The following CSGALNACT1 variants were observed in gnomAD, a reference collection of about 807,000 sequenced individuals.
CSGALNACT1 encodes chondroitin sulfate N-acetylgalactosaminyltransferase 1.
CSGALNACT1 carries 52 observed loss-of-function variants against 51.0 expected under a neutral mutation model. The ratio of observed to expected loss-of-function variants is 1.02; its 90% CI spans 0.82 to 1.29. The LOEUF (loss-of-function observed/expected upper bound fraction) is 1.29. Among genes scored for constraint, CSGALNACT1 ranks in the 50% most tolerant of loss-of-function variants. The pLI is 0.00. For synonymous variants in CSGALNACT1, 341 were observed against 254.4 expected (o/e 1.34, Z -3.24); for missense variants, 935 against 679.2 (o/e 1.38, Z -4.19).
chr8:19,601,529 A>C (rs540897087), intron 2 of CSGALNACT1, among the ~76,000 whole-genome samples: 3 of 152,238 alleles, frequency 2.0e-5, no homozygotes, highest in East Asian at 1.9e-4. Context: ...ATCCTTAAAA[A>C]GTTGGGAAAG....
chr8:19,647,787 G>A (rs2057411977), intron 1 of CSGALNACT1, among the ~76,000 whole-genome samples: 1 of 152,166 alleles, frequency 6.6e-6, no homozygotes, highest in Non-Finnish European at 1.5e-5. Context: ...GTTTACTTAG[G>A]ATATTATATT....
chr8:19,498,825 C>A (rs1222310490), intron 4 of CSGALNACT1, among the ~76,000 whole-genome samples: 1 of 152,164 alleles, frequency 6.6e-6, no homozygotes, highest in East Asian at 1.9e-4. Context: ...ATTAAGGAAA[C>A]AAAAAGGGCC....
At chr8:19,428,037 T>A (rs552758557) in intron 6 of CSGALNACT1, among the ~76,000 whole-genome samples, 2 of 152,264 alleles carry the variant, frequency 1.3e-5, no homozygotes, top group Admixed American at 6.5e-5. Flanking sequence ...CAATCCTTCC[T>A]CCTTCTCCTC....
At chr8:19,569,576 T>G (rs1440517031) in intron 3 of CSGALNACT1, among the ~76,000 whole-genome samples, 1 of 152,170 alleles carries the variant, frequency 6.6e-6, no homozygotes, top group Non-Finnish European at 1.5e-5. Flanking sequence ...TACGAGTTGG[T>G]TGTTGACAAT....
chr8:19,532,790 A>G (rs949091263), intron 3 of CSGALNACT1, among the ~76,000 whole-genome samples: 1 of 152,140 alleles, frequency 6.6e-6, no homozygotes, highest in Non-Finnish European at 1.5e-5. Flanking sequence ...GAGAGCGAGG[A>G]GTCACCTAAA....
At chr8:19,451,067 T>C (rs1043529994) in intron 5 of CSGALNACT1, among the ~76,000 whole-genome samples, 1 of 152,204 alleles carries the variant, frequency 6.6e-6, no homozygotes, top group Non-Finnish European at 1.5e-5. Flanking sequence ...AGCTTTAGTG[T>C]CAAGCTTTAG....
intron 4 of CSGALNACT1, among the ~76,000 whole-genome samples, chr8:19,472,559 A>G (rs1355745265): frequency 6.6e-6 from 1 of 152,234 alleles, no homozygotes; most frequent in Non-Finnish European, 1.5e-5. Flanking sequence ...TAACCAATTC[A>G]AGGTTGCAAA....
At position 19,667,016 on chromosome 8, in the gene CSGALNACT1, AAAGGAAGG is replaced by A. The variant is rs71205941; in HGVS notation, c.-544+15449_-544+15456del. Among the ~76,000 whole-genome samples, 18 of 43,478 alleles carry A rather than the reference AAAGGAAGG, an allele frequency of 4.1e-4. 2 individuals are homozygous for A. The highest frequency in any genetic ancestry group is 7.6e-4 in the South Asian group (1 of 1,312). 28.5% of individuals were successfully genotyped at this position (43,478 alleles called of 152,430 possible). A position where few individuals can be genotyped will look rare whatever the true frequency, so the allele number is the denominator to read the frequency against. On this transcript the variant is annotated intron_variant, in intron 1 of 9. Coordinates refer to the CSGALNACT1 transcript ENST00000332246. ...GAAAGAAAGAAAGAAAGAAAGAAAG[AAAGGAAGG>A]AAGGAAGGAAGGAAGGAAGAAAGAA...
intron 4 of CSGALNACT1, among the ~76,000 whole-genome samples, chr8:19,496,795 G>A (rs1048870097): frequency 6.6e-6 from 1 of 152,164 alleles, no homozygotes; most frequent in African/African-American, 2.4e-5. Flanking sequence ...GTGCAGATGA[G>A]TAGGGCAGTG....
intron 1 of CSGALNACT1, chr8:19,732,620 C>G (rs1053655021): frequency 1.3e-5 from 2 of 152,264 alleles, no homozygotes; most frequent in African/African-American, 4.8e-5. Context: ...AACAGGAAAA[C>G]AGCATCAAGG....
chr8:19,688,703 T>TC (rs1208289511), intron 1 of CSGALNACT1: 1 of 152,182 alleles, frequency 6.6e-6, no homozygotes, highest in Non-Finnish European at 1.5e-5. Context: ...ACTGTATCCT[T>TC]CTCCCTCTTT....
chr8:19,433,206 G>C (rs1341701062), intron 6 of CSGALNACT1, among the ~76,000 whole-genome samples: 1 of 152,204 alleles, frequency 6.6e-6, no homozygotes, highest in Non-Finnish European at 1.5e-5. Flanking sequence ...GAACCAGTAA[G>C]TCTCTCTGAT....
At chr8:19,580,555 C>T (rs1002355756) in intron 3 of CSGALNACT1, among the ~76,000 whole-genome samples, 1 of 152,106 alleles carries the variant, frequency 6.6e-6, no homozygotes, top group Non-Finnish European at 1.5e-5. Context: ...CTACTGCCAA[C>T]AGAAAAGAAA....
In CSGALNACT1 at chr8:19,619,494, C is replaced by A. The variant is rs537987494; in HGVS notation, c.-543-17629G>T. Among the ~76,000 whole-genome samples the A allele has an allele frequency of 9.1e-4, 138 of 151,986 alleles. 1 individual carries two copies. The highest frequency in any genetic ancestry group is 1.8e-3 in the Non-Finnish European group (122 of 67,966). On this transcript the variant is annotated intron_variant, in intron 1 of 9. Coordinates refer to the CSGALNACT1 transcript ENST00000332246. ...ATTCTGAGTCCATGATGTGGCTGGG[C>A]TGGAGAGGTGAAGACTGGAGGTGTG...
Position 19,667,168 on chromosome 8 carries a change from C to G in CSGALNACT1, c.-544+15305G>C, listed in dbSNP as rs1589391194. ...AGGTGCACAGGCTCATGCCTGTAAT[C>G]CCAGCAAGTTGTGAGGCAGAAGTGG... On this transcript the variant is annotated intron_variant, in intron 1 of 9. Transcript: ENST00000332246. Among the ~76,000 whole-genome samples, 2 of 151,798 alleles carry G rather than the reference C, an allele frequency of 1.3e-5. 1 individual carries two copies. Among genetic ancestry groups the G allele is most frequent in the Admixed American group, 1.3e-4 (2 of 15,250 alleles).
At position 19,439,847 on chromosome 8, in the gene CSGALNACT1, T is replaced by C. The variant is rs1217402497; in HGVS notation, c.936A>G (p.Ile312Met). The C allele has an allele frequency of 5.6e-6, 9 of 1,613,830 alleles. No homozygotes were observed. The highest frequency in any genetic ancestry group is 4.0e-5 in the African/African-American group (3 of 74,942). The change falls in exon 6 of 10, where the codon ATA becomes ATG. Residue 312 changes from isoleucine (I) to methionine (M), a missense_variant. Coordinates refer to ENST00000454498, the Ensembl canonical transcript of CSGALNACT1. ...GTACTCACTTGGAAGTGTTTTCAAG[T>C]ATTCCTTTGACTTCATTTATTTCTT...
chr8:19,602,105 T>C (rs1188838457), exon 1 of CSGALNACT1: 2 of 181,928 alleles, frequency 1.1e-5, no homozygotes, highest in African/African-American at 4.8e-5. Context: ...TAAAGGTGTC[T>C]AAAAATGAAG....
chr8:19,602,111 T>C, exon 1 of CSGALNACT1: 1 of 177,794 alleles, frequency 5.6e-6, no homozygotes, highest in Non-Finnish European at 1.2e-5. Flanking sequence ...TGTCTAAAAA[T>C]GAAGCTGAAC....
intron 3 of CSGALNACT1, among the ~76,000 whole-genome samples, chr8:19,511,723 C>T (rs543177299): frequency 6.6e-6 from 1 of 152,234 alleles, no homozygotes; most frequent in East Asian, 1.9e-4. Context: ...TCTGTTCTCA[C>T]ACTGCTATGA....
Sources: gnomAD v4.1 joint callset for allele counts (sites outside exome capture counted in the v4.1 genomes callset) on GRCh38, gnomAD v4.1.1 for gene constraint, MANE v1.5 for transcripts, NCBI Gene and HGNC (gene_info 2026-07-23, HGNC 2026-07-21) for gene names.